The following LTBP1 variants were observed in gnomAD, a reference collection of about 807,000 sequenced individuals.
LTBP1 encodes latent-transforming growth factor beta-binding protein 1.
LTBP1 carries 129 observed loss-of-function variants against 207.6 expected under a neutral mutation model. The ratio of observed to expected loss-of-function variants is 0.62; its 90% CI spans 0.54 to 0.72. The LOEUF is 0.72. Ranked by LOEUF, LTBP1 falls within the 30% of genes least tolerant of loss-of-function variation. LTBP1 has a pLI of 0.00. For synonymous variants in LTBP1, 963 were observed against 833.7 expected (o/e 1.16, Z -2.67); for missense variants, 2,281 against 2,217.2 (o/e 1.03, Z -0.58).
chr2:33,018,737 C>T (rs1018949625), intron 2 of LTBP1, among the ~76,000 whole-genome samples: 1 of 152,176 alleles, frequency 6.6e-6, no homozygotes, highest in African/African-American at 2.4e-5. Flanking sequence ...TGGGAACAGC[C>T]TTTATTCTCA....
intron 22 of LTBP1, among the ~76,000 whole-genome samples, chr2:33,307,578 T>C (rs998559443): frequency 6.6e-6 from 1 of 152,226 alleles, no homozygotes; most frequent in Non-Finnish European, 1.5e-5. Flanking sequence ...TGGAAATGCC[T>C]GTTCCTTGAC....
intron 32 of LTBP1, among the ~76,000 whole-genome samples, chr2:33,392,715 T>A (rs1177405496): frequency 6.6e-6 from 1 of 151,976 alleles, no homozygotes; most frequent in Non-Finnish European, 1.5e-5. Context: ...GTGTGGGGAG[T>A]TTCAAGTTTT....
At chr2:33,015,255 TG>T (rs1042825387) in intron 2 of LTBP1, among the ~76,000 whole-genome samples, 2 of 152,236 alleles carry the variant, frequency 1.3e-5, no homozygotes, top group African/African-American at 4.8e-5. Context: ...AGAGTTTACT[TG>T]AATTTAATTT....
In LTBP1 at chr2:33,150,343, A is replaced by AC. The variant is rs745869073; in HGVS notation, c.1201+15389dup. 1.2e-4 allele frequency among the ~76,000 whole-genome samples: 18 copies of AC among 151,608 alleles called. No homozygotes were observed. The South Asian group carries it at 1.7e-3, about 14-fold the overall frequency. On this transcript the variant is annotated intron_variant, in intron 5 of 33. Transcript: ENST00000404816. The stretch of plus-strand genomic sequence containing the variant: ...ATATTTTATTGCTTATCTTCATGAG[A>AC]CCCCCCAAACCCATAATTTACATGA...
chr2:33,340,292 A>G (rs981006072), intron 24 of LTBP1, among the ~76,000 whole-genome samples: 7 of 150,640 alleles, frequency 4.6e-5, no homozygotes, highest in Admixed American at 1.3e-4. Flanking sequence ...TGCTCCGTAG[A>G]AGAATCTTGG....
At chr2:33,158,851 G>A (rs1185466934) in intron 5 of LTBP1, among the ~76,000 whole-genome samples, 2 of 152,188 alleles carry the variant, frequency 1.3e-5, no homozygotes, top group Non-Finnish European at 2.9e-5. Flanking sequence ...ATACGTACAT[G>A]TTAGGTAGCT....
intron 3 of LTBP1, among the ~76,000 whole-genome samples, chr2:33,091,140 C>G (rs2079065351): frequency 6.6e-6 from 1 of 152,140 alleles, no homozygotes; most frequent in Non-Finnish European, 1.5e-5. Context: ...TTGCCTGGTA[C>G]TTAATGTGTG....
Position 33,365,318 on chromosome 2 carries a change from T to C in LTBP1, c.4541-15T>C, listed in dbSNP as rs1441659126. ...TAACTGTGCGATTTTCATGGAACTA[T>C]GTCTTCCCTTTCAGAACAAATAGAA... On this transcript the variant is annotated splice_polypyrimidine_tract_variant and intron_variant, in intron 30 of 33. Coordinates refer to ENST00000404816, the MANE Select transcript of LTBP1 (RefSeq NM_206943.4). 6.2e-7 allele frequency: 1 copy of C among 1,613,436 alleles called. No homozygotes were observed. The highest frequency in any genetic ancestry group is 2.2e-5 in the East Asian group (1 of 44,878).
intron 2 of LTBP1, among the ~76,000 whole-genome samples, chr2:32,977,423 C>G (rs1681975796): frequency 6.6e-6 from 1 of 152,230 alleles, no homozygotes; most frequent in Admixed American, 6.5e-5. Context: ...GAAGTTGGCA[C>G]TGAGCCTTGT....
chr2:33,333,651 A>G (rs1442839018), intron 24 of LTBP1, among the ~76,000 whole-genome samples: 1 of 152,222 alleles, frequency 6.6e-6, no homozygotes, highest in Admixed American at 6.5e-5. Flanking sequence ...AAAACGAAGC[A>G]ATTTTTTTGT....
At chr2:33,118,767 A>G (rs1220726461) in intron 4 of LTBP1, among the ~76,000 whole-genome samples, 1 of 152,172 alleles carries the variant, frequency 6.6e-6, no homozygotes, top group Non-Finnish European at 1.5e-5. Flanking sequence ...CATGCACGTT[A>G]TCCTGGGTTA....
intron 5 of LTBP1, among the ~76,000 whole-genome samples, chr2:33,184,078 T>C (rs1296373105): frequency 6.6e-6 from 1 of 152,232 alleles, no homozygotes; most frequent in East Asian, 1.9e-4. Context: ...TACTGCATGT[T>C]TCTTTCAGTT....
chr2:33,326,079 T>TAA (rs34397149), intron 24 of LTBP1, among the ~76,000 whole-genome samples: 177 of 148,962 alleles, frequency 1.2e-3, no homozygotes, highest in Middle Eastern at 3.5e-3. Context: ...TTGCTTTTGT[T>TAA]AAAAAAAAAA....
chr2:33,293,075 G>C (rs1302427888), intron 19 of LTBP1, 85 bp from the exon 20 acceptor site: 3 of 1,406,358 alleles, frequency 2.1e-6, no homozygotes, highest in Non-Finnish European at 9.7e-7. Context: ...AAGGTCTACT[G>C]TTTCCATTTC....
rs1029481409 is a variant in LTBP1, at chr2:33,121,384, C to T, written c.1033+10633C>T. 2.3e-4 allele frequency among the ~76,000 whole-genome samples: 35 copies of T among 151,890 alleles called. 1 individual carries two copies. The highest frequency in any genetic ancestry group is 8.3e-4 in the South Asian group (4 of 4,796). On this transcript the variant is annotated intron_variant, in intron 4 of 33. Transcript: ENST00000404816. ...TATAAACAGATTTAGAAAGCTTTGG[C>T]GAGAGAAAGAAAAGCATCCGGAGAG...
Position 33,262,750 on chromosome 2 carries a change from C to T in LTBP1, c.2447C>T (p.Thr816Ile). 5 of 1,602,368 alleles carry T rather than the reference C, an allele frequency of 3.1e-6. No individual in the cohort carries two copies. Among genetic ancestry groups the T allele is most frequent in the East Asian group, 4.5e-5 (2 of 44,508 alleles). ...KEIPSLDQEK[T>I]KLEPGQPQLS... ...ATACCTTCATTGGATCAAGAGAAAACCAAACTTGAGCCTGGTCAACCCCAG... is the reference window on the plus strand; with the variant it reads ...ATACCTTCATTGGATCAAGAGAAAATCAAACTTGAGCCTGGTCAACCCCAG... Residue 816 changes from threonine (T) to isoleucine (I), a missense_variant, in exon 14 of 34, where the codon ACC becomes ATC. By Grantham distance (89) the Thr-to-Ile change is moderately conservative. This residue lies in a region of LTBP1 where 1,671 missense variants were observed against 1,634.8 expected (regional missense o/e 1.02). Coordinates refer to ENST00000404816, the MANE Select transcript of LTBP1 (RefSeq NM_206943.4).
intron 5 of LTBP1, among the ~76,000 whole-genome samples, chr2:33,152,356 C>G (rs909756465): frequency 6.6e-6 from 1 of 152,132 alleles, no homozygotes; most frequent in African/African-American, 2.4e-5. Context: ...CAAATCAAAA[C>G]TACAGTGCGA....
At chr2:32,968,485 C>G (rs1014696467) in intron 2 of LTBP1, among the ~76,000 whole-genome samples, 1 of 152,086 alleles carries the variant, frequency 6.6e-6, no homozygotes, top group Non-Finnish European at 1.5e-5. Context: ...ATTTTTTCAT[C>G]CCTTACTTTT....
intron 20 of LTBP1, among the ~76,000 whole-genome samples, chr2:33,299,173 C>T (rs2093937282): frequency 6.7e-6 from 1 of 149,582 alleles, no homozygotes; most frequent in Non-Finnish European, 1.5e-5. Context: ...ACCCGGGAGA[C>T]GGAGGTTGCA....
Sources: gnomAD v4.1 joint callset for allele counts (sites outside exome capture counted in the v4.1 genomes callset) on GRCh38, gnomAD v4.1.1 for gene constraint, gnomAD v4.1.1 regional missense constraint, MANE v1.5 for transcripts, NCBI Gene and HGNC (gene_info 2026-07-23, HGNC 2026-07-21) for gene names.